PAPOLG: variants seen among roughly 807,000 people sequenced by gnomAD.
The protein encoded by PAPOLG is poly(A) polymerase gamma, also known as PAP-gamma.
PAPOLG carries 40 observed loss-of-function variants against 99.0 expected under a neutral mutation model. That is an observed-to-expected ratio of 0.40 (90% CI 0.31 to 0.53). The LOEUF (loss-of-function observed/expected upper bound fraction) is 0.53, where lower values mean the gene tolerates loss of function less well. PAPOLG is among the 20% of genes least tolerant of loss of function. PAPOLG has a pLI of 0.41. For synonymous variants in PAPOLG, 310 were observed against 299.3 expected (o/e 1.04, Z -0.37); for missense variants, 675 against 884.1 (o/e 0.76, Z 3.00).
intron 1 of PAPOLG, 27 bp from the exon 2 acceptor site, chr2:60,760,107 T>G (rs1558671967): frequency 3.1e-6 from 5 of 1,604,588 alleles, no homozygotes; most frequent in Non-Finnish European, 4.3e-6. Flanking sequence ...AAATTTTTTG[T>G]TTCATTTTTC....
intron 5 of PAPOLG, 130 bp downstream of exon 5, chr2:60,769,020 T>G: frequency 1.4e-6 from 1 of 699,796 alleles, no homozygotes. Context: ...GTAGCTTTAA[T>G]AAGTGATGAT....
At chr2:60,789,975 T>C (rs963742711) in intron 15 of PAPOLG, among the ~76,000 whole-genome samples, 1 of 152,164 alleles carries the variant, frequency 6.6e-6, no homozygotes, top group Non-Finnish European at 1.5e-5. Flanking sequence ...GTGCCTGTAA[T>C]CCCAGCTATT....
intron 6 of PAPOLG, 89 bp from the exon 7 acceptor site, chr2:60,771,430 G>C (rs1327740700): frequency 1.3e-5 from 18 of 1,439,908 alleles, no homozygotes; most frequent in Non-Finnish European, 1.6e-5. Context: ...CTCATAACCA[G>C]AGCTTTTCAC....
rs1305989740 is a variant in PAPOLG, at chr2:60,801,193, T to C, written c.*4033T>C. ...GCATGAAAACTCTCTTGCTCCTCCA[T>C]GTTTGTAGTTCAGGCCAGAACAAAC... On this transcript the variant is annotated 3_prime_UTR_variant, in exon 22 of 22. Transcript: ENST00000238714. 1 of 152,222 alleles carries C rather than the reference T, an allele frequency of 6.6e-6. No individual in the cohort carries two copies. Among genetic ancestry groups the C allele is most frequent in the Admixed American group, 6.6e-5 (1 of 15,252 alleles). The allele number at this position is 152,222 out of a possible 1,614,324, so 9.4% of individuals were successfully genotyped here.
Position 60,761,727 on chromosome 2 carries a change from A to ATT in PAPOLG, c.180-6_180-5dup. On this transcript the variant is annotated splice_polypyrimidine_tract_variant and intron_variant, in intron 2 of 21. Transcript: ENST00000238714. ...TTGTTTGTTTGTTTTAATCTGAAGCATTTTTTTTTATAGGCTGGTGGTTCT... is the reference window on the plus strand; with the variant it reads ...TTGTTTGTTTGTTTTAATCTGAAGCATTTTTTTTTTTATAGGCTGGTGGTTCT... The ATT allele has an allele frequency of 6.6e-7, 1 of 1,520,316 alleles. No homozygotes were observed. Among genetic ancestry groups the ATT allele is most frequent in the Non-Finnish European group, 9.0e-7 (1 of 1,111,058 alleles). 94.2% of individuals were successfully genotyped at this position (1,520,316 alleles called of 1,614,324 possible). A position where few individuals can be genotyped will look rare whatever the true frequency, so the allele number is the denominator to read the frequency against.
chr2:60,780,057 T>C (rs1232433711), intron 9 of PAPOLG, among the ~76,000 whole-genome samples: 1 of 152,222 alleles, frequency 6.6e-6, no homozygotes, highest in African/African-American at 2.4e-5. Context: ...TCCTCATTTG[T>C]AAAATGGAGA....
At chr2:60,759,166 C>A (rs773550682) in intron 1 of PAPOLG, among the ~76,000 whole-genome samples, 1 of 152,108 alleles carries the variant, frequency 6.6e-6, no homozygotes, top group South Asian at 2.1e-4. Context: ...GTCAGGAGTT[C>A]GAGACCAGCC....
intron 5 of PAPOLG, among the ~76,000 whole-genome samples, chr2:60,769,533 C>T (rs932565299): frequency 6.6e-6 from 1 of 152,086 alleles, no homozygotes; most frequent in Non-Finnish European, 1.5e-5. Flanking sequence ...TGTTTTTAGA[C>T]AAGGAAGTTA....
chr2:60,761,008 T>C (rs760313231), intron 2 of PAPOLG, among the ~76,000 whole-genome samples: 8 of 152,070 alleles, frequency 5.3e-5, no homozygotes, highest in Non-Finnish European at 1.2e-4. Flanking sequence ...AGGATGGTCG[T>C]AGAGGTAATA....
intron 13 of PAPOLG, among the ~76,000 whole-genome samples, chr2:60,784,645 A>C (rs1485693090): frequency 6.6e-6 from 1 of 152,202 alleles, no homozygotes; most frequent in African/African-American, 2.4e-5. Flanking sequence ...CTGTCACTGA[A>C]ACAGTATTTT....
intron 2 of PAPOLG, among the ~76,000 whole-genome samples, chr2:60,760,528 A>G (rs1280291447): frequency 5.3e-5 from 8 of 152,220 alleles, no homozygotes; most frequent in Non-Finnish European, 1.5e-5. Context: ...GCTACTGAGA[A>G]AAAGCTGAGG....
intron 10 of PAPOLG, 83 bp from the exon 11 acceptor site, chr2:60,781,802 A>G: frequency 6.4e-7 from 1 of 1,557,142 alleles, no homozygotes; most frequent in South Asian, 1.2e-5. Flanking sequence ...TTTATATTTC[A>G]TATTCTTCAG....
chr2:60,799,604 G>GTCTGTTTTGTTTTGTTTTGT lies in PAPOLG; in HGVS notation c.*2445_*2446insCTGTTTTGTTTTGTTTTGTT, dbSNP rs71400301. 1.3e-5 allele frequency: 2 copies of GTCTGTTTTGTTTTGTTTTGT among 150,206 alleles called. No homozygotes were observed. The highest frequency in any genetic ancestry group is 3.0e-5 in the Non-Finnish European group (2 of 67,660). The allele number at this position is 150,206 out of a possible 1,614,324, so 9.3% of individuals were successfully genotyped here. A position where few individuals can be genotyped will look rare whatever the true frequency, so the allele number is the denominator to read the frequency against. On this transcript the variant is annotated 3_prime_UTR_variant, in exon 22 of 22. Coordinates refer to ENST00000238714, the MANE Select transcript of PAPOLG (RefSeq NM_022894.4). ...ATGATGAGAGGCACTAAGTACATGT[G>GTCTGTTTTGTTTTGTTTTGT]TTTGTTTTGTTTTGTTTTGTTTTGT...
chr2:60,763,906 A>C (rs947743424), intron 3 of PAPOLG, among the ~76,000 whole-genome samples: 4 of 150,542 alleles, frequency 2.7e-5, no homozygotes, highest in Non-Finnish European at 5.9e-5. Flanking sequence ...GTGTTCAAGC[A>C]GTTCTCTTGC....
At position 60,785,682 on chromosome 2, in the gene PAPOLG, C is replaced by A. The variant is rs539352444; in HGVS notation, c.1167-1265C>A. Among the ~76,000 whole-genome samples the A allele has an allele frequency of 1.6e-4, 24 of 145,610 alleles. No homozygotes were observed. The South Asian group carries it at 2.4e-3, about 14-fold the overall frequency. Reference sequence around the variant, plus strand: ...GGGCCTGCAGGCCCTTGCTACCATACCTGGCTGATTTTTTTTTTTTTTTTT... The same window carrying A: ...GGGCCTGCAGGCCCTTGCTACCATAACTGGCTGATTTTTTTTTTTTTTTTT... On this transcript the variant is annotated intron_variant, in intron 13 of 21. Transcript: ENST00000238714.
rs1317819931 is a variant in PAPOLG, at chr2:60,801,736, G to GC, written c.*4580dup. On this transcript the variant is annotated 3_prime_UTR_variant, in exon 22 of 22. Coordinates refer to ENST00000238714, the MANE Select transcript of PAPOLG (RefSeq NM_022894.4). Reference sequence around the variant, plus strand: ...TTACAGGCGTGAGCCACCGTGCCCAGCCCCTATTTTTTCTGAAATAATTTT... The same window carrying GC: ...TTACAGGCGTGAGCCACCGTGCCCAGCCCCCTATTTTTTCTGAAATAATTTT... The GC allele has an allele frequency of 6.6e-6, 1 of 152,158 alleles. No individual in the cohort carries two copies. The highest frequency in any genetic ancestry group is 2.4e-5 in the African/African-American group (1 of 41,458). 9.4% of individuals were successfully genotyped at this position (152,158 alleles called of 1,614,324 possible).
intron 21 of PAPOLG, chr2:60,795,251 A>T (rs757064655): frequency 1.6e-6 from 1 of 634,498 alleles, no homozygotes; most frequent in South Asian, 1.6e-5. Flanking sequence ...TTTATTATCT[A>T]TTTAGATTAT....
At chr2:60,772,747 CA>C (rs1558689402) in intron 7 of PAPOLG, among the ~76,000 whole-genome samples, 1 of 151,780 alleles carries the variant, frequency 6.6e-6, no homozygotes, top group East Asian at 1.9e-4. Flanking sequence ...GTCTCCGTCT[CA>C]AAAAAGAAAG....
chr2:60,769,900 C>A (rs1468075316), intron 5 of PAPOLG, among the ~76,000 whole-genome samples: 1 of 152,058 alleles, frequency 6.6e-6, no homozygotes, highest in Non-Finnish European at 1.5e-5. Flanking sequence ...AGGTATTTGT[C>A]GTAATGTTCT....
Sources: allele counts gnomAD v4.1 joint callset (sites outside exome capture counted in the v4.1 genomes callset), GRCh38; gene constraint gnomAD v4.1.1; transcripts MANE v1.5; gene names NCBI Gene and HGNC (gene_info 2026-07-23, HGNC 2026-07-21).